The following DPYSL2 variants were observed in gnomAD, a reference collection of about 807,000 sequenced individuals.
DPYSL2 encodes dihydropyrimidinase like 2.
In DPYSL2, 13 loss-of-function variants were observed where a neutral mutation model predicts 69.9. That is an observed-to-expected ratio of 0.19 (90% CI 0.12 to 0.30). The LOEUF (loss-of-function observed/expected upper bound fraction) is 0.30, where lower values mean the gene tolerates loss of function less well. Ranked by LOEUF, DPYSL2 falls within the 10% of genes least tolerant of loss-of-function variation. DPYSL2 has a pLI of 1.00. For missense variants in DPYSL2, 587 were observed against 918.9 expected (o/e 0.64, Z 4.67); for synonymous variants, 326 against 359.1 (o/e 0.91, Z 1.04).
intron 7 of DPYSL2, among the ~76,000 whole-genome samples, chr8:26,629,367 CACAGACACAT>C (rs1802690927): frequency 6.6e-6 from 1 of 150,536 alleles, no homozygotes; most frequent in Non-Finnish European, 1.5e-5. Flanking sequence ...CACAGACATA[CACAGACACAT>C]ACACATGCAG....
At chr8:26,611,248 C>T (rs982338752) in intron 3 of DPYSL2, among the ~76,000 whole-genome samples, 1 of 152,232 alleles carries the variant, frequency 6.6e-6, no homozygotes, top group Admixed American at 6.5e-5. Context: ...GGGACAGTTA[C>T]GGAATCACTG....
At position 26,652,834 on chromosome 8, in the gene DPYSL2, T is replaced by C. The variant is rs538213399; in HGVS notation, c.1776+398T>C. Among the ~76,000 whole-genome samples the C allele has an allele frequency of 6.6e-6, 1 of 152,116 alleles. No individual in the cohort carries two copies. Among genetic ancestry groups the C allele is most frequent in the South Asian group, 2.1e-4 (1 of 4,806 alleles). The stretch of plus-strand genomic sequence containing the variant: ...TATCATGAGCATAGAAAATGTACAG[T>C]GTATTCAGGGCATGTGAAGCAGGAA... On this transcript the variant is annotated intron_variant, in intron 12 of 13. Transcript: ENST00000521913. This position sits in a 1 kb window ranked among gnomAD's most constrained non-coding sequence, Gnocchi z 6.3.
chr8:26,628,033 G>A (rs1802660307), intron 7 of DPYSL2, 93 bp downstream of exon 7: 1 of 1,283,920 alleles, frequency 7.8e-7, no homozygotes, highest in Admixed American at 2.0e-5. Flanking sequence ...TGAGAAGGGG[G>A]CTTCTCTGAT....
chr8:26,611,056 A>G (rs910522022), intron 3 of DPYSL2, among the ~76,000 whole-genome samples: 5 of 152,224 alleles, frequency 3.3e-5, no homozygotes, highest in South Asian at 4.1e-4. Context: ...TGCCATTTCT[A>G]TTTTGCAGAT....
chr8:26,631,517 G>A (rs1009510694), intron 7 of DPYSL2, among the ~76,000 whole-genome samples: 2 of 152,102 alleles, frequency 1.3e-5, no homozygotes, highest in Middle Eastern at 6.3e-3. Context: ...ATTTGGGTGG[G>A]GACACAGAGC....
In DPYSL2 at chr8:26,565,545, G is replaced by A. The variant is rs1801135265; in HGVS notation, c.355-16424G>A. On this transcript the variant is annotated intron_variant, in intron 1 of 13. Transcript: ENST00000521913. The surrounding 1 kb of genome is among the most constrained non-coding windows in gnomAD (Gnocchi z 4.1). Reference sequence around the variant, plus strand: ...AGTGAATGGCTAAAGATAAGGGCAGGCCAAGGTCATGGGTCAGCAAAGTGA... The same window carrying A: ...AGTGAATGGCTAAAGATAAGGGCAGACCAAGGTCATGGGTCAGCAAAGTGA... Among the ~76,000 whole-genome samples the A allele has an allele frequency of 6.6e-6, 1 of 152,154 alleles. No homozygotes were observed. Among genetic ancestry groups the A allele is most frequent in the South Asian group, 2.1e-4 (1 of 4,826 alleles).
intron 1 of DPYSL2, among the ~76,000 whole-genome samples, chr8:26,541,349 C>T (rs1398572162): frequency 6.6e-6 from 1 of 152,070 alleles, no homozygotes; most frequent in East Asian, 1.9e-4. Flanking sequence ...CTCAAACAAA[C>T]AAAAATGAGG....
In DPYSL2 at chr8:26,626,683, G is replaced by T; in HGVS notation, c.855+5G>T. ...TTCCAGCTAACGGATTGCCAGGTAA[G>T]AAAGTCGGCTTTTCGGAAGAGGCAC... On this transcript the variant is annotated splice_donor_5th_base_variant and intron_variant, in intron 5 of 13. Transcript: ENST00000521913. This position sits in a 1 kb window ranked among gnomAD's most constrained non-coding sequence, Gnocchi z 4.3. 1.9e-6 allele frequency: 3 copies of T among 1,614,182 alleles called. No homozygotes were observed. Among genetic ancestry groups the T allele is most frequent in the Non-Finnish European group, 2.5e-6 (3 of 1,180,016 alleles).
intron 1 of DPYSL2, among the ~76,000 whole-genome samples, chr8:26,523,233 T>G (rs1213847635): frequency 1.3e-5 from 2 of 152,012 alleles, no homozygotes; most frequent in African/African-American, 4.8e-5. Context: ...GGGATGGTGT[T>G]GAGGAAGGCA....
chr8:26,620,104 G>A lies in DPYSL2; in HGVS notation c.629-4039G>A, dbSNP rs537187650. 8 of 152,572 alleles carry A rather than the reference G, an allele frequency of 5.2e-5. No homozygotes were observed. Among genetic ancestry groups the A allele is most frequent in the African/African-American group, 1.7e-4 (7 of 41,578 alleles). 9.5% of individuals were successfully genotyped at this position (152,572 alleles called of 1,614,324 possible). A position where few individuals can be genotyped will look rare whatever the true frequency, so the allele number is the denominator to read the frequency against. ...AGGAGGGAATGGGGAGTGACTGCAG[G>A]TGGGTACAGCCTTTCTTTTTTGGTG... On this transcript the variant is annotated intron_variant, in intron 3 of 13. Coordinates refer to ENST00000521913, the MANE Select transcript of DPYSL2 (RefSeq NM_001197293.3). This position sits in a 1 kb window ranked among gnomAD's most constrained non-coding sequence, Gnocchi z 4.5.
chr8:26,542,890 A>AT (rs1383384758), intron 1 of DPYSL2, among the ~76,000 whole-genome samples: 4 of 152,214 alleles, frequency 2.6e-5, no homozygotes. Context: ...GATTGAGAGC[A>AT]TACAGTATGT....
intron 10 of DPYSL2, among the ~76,000 whole-genome samples, chr8:26,646,824 T>TA (rs1349047739): frequency 6.6e-6 from 1 of 150,802 alleles, no homozygotes; most frequent in African/African-American, 2.4e-5. Context: ...ATCTGTCTCT[T>TA]AAAAAAAAAT....
intron 1 of DPYSL2, among the ~76,000 whole-genome samples, chr8:26,559,426 G>T (rs1801039352): frequency 6.6e-6 from 1 of 152,144 alleles, no homozygotes; most frequent in Admixed American, 6.6e-5. Context: ...AAATGAGAGA[G>T]CCCATTGCTT....
intron 7 of DPYSL2, among the ~76,000 whole-genome samples, chr8:26,633,616 C>T (rs559937873): frequency 2.2e-4 from 34 of 152,112 alleles, no homozygotes; most frequent in African/African-American, 6.5e-4. Context: ...TACAGGCATG[C>T]GCCACCATGC....
chr8:26,643,671 C>T lies in DPYSL2; in HGVS notation c.1283+76C>T. ...AGACTGACCTGTTAGGCGAAAACAA[C>T]ATGGTGGCCAAGAGCAGCCATAAAA... On this transcript the variant is annotated intron_variant, in intron 9 of 13. Coordinates refer to ENST00000521913, the MANE Select transcript of DPYSL2 (RefSeq NM_001197293.3). The surrounding 1 kb of genome is among the most constrained non-coding windows in gnomAD (Gnocchi z 6.5). 3.1e-6 allele frequency: 5 copies of T among 1,598,158 alleles called. No individual in the cohort carries two copies. The Admixed American group carries it at 6.7e-5, about 22-fold the overall frequency.
At chr8:26,550,902 T>G (rs1283218742) in intron 1 of DPYSL2, among the ~76,000 whole-genome samples, 3 of 152,036 alleles carry the variant, frequency 2.0e-5, no homozygotes, top group African/African-American at 7.2e-5. Context: ...GAACTCAGAG[T>G]TCTGACACCC....
chr8:26,523,895 C>T (rs909992096), intron 1 of DPYSL2, among the ~76,000 whole-genome samples: 6 of 152,114 alleles, frequency 3.9e-5, no homozygotes, highest in Admixed American at 3.3e-4. Flanking sequence ...TATGTATAGA[C>T]CACATTTTGT....
intron 3 of DPYSL2, among the ~76,000 whole-genome samples, chr8:26,608,959 A>T (rs1802167800): frequency 6.6e-6 from 1 of 152,116 alleles, no homozygotes; most frequent in African/African-American, 2.4e-5. Context: ...TAGAGACCCG[A>T]CTCCTCACTC....
At chr8:26,634,617 G>A (rs1436121187) in intron 7 of DPYSL2, among the ~76,000 whole-genome samples, 163 bp from the exon 8 acceptor site, 1 of 152,058 alleles carries the variant, frequency 6.6e-6, no homozygotes, top group African/African-American at 2.4e-5. Context: ...CCAATGTTGA[G>A]AGACACAAGG....
Sources: allele counts gnomAD v4.1 joint callset (sites outside exome capture counted in the v4.1 genomes callset), GRCh38; gene constraint gnomAD v4.1.1; non-coding constraint Gnocchi (gnomAD v3.1); transcripts MANE v1.5; gene names NCBI Gene and HGNC (gene_info 2026-07-23, HGNC 2026-07-21).